Variants in SLC25A16 observed in about 807,000 individuals in gnomAD.
SLC25A16 encodes the protein solute carrier family 25 member 16.
In SLC25A16, 39 loss-of-function variants were observed where a neutral mutation model predicts 41.5. The observed-to-expected ratio is 0.94, with a 90% confidence interval of 0.73 to 1.23. The LOEUF (loss-of-function observed/expected upper bound fraction) is 1.23, where lower values mean the gene tolerates loss of function less well. Ranked by LOEUF, SLC25A16 falls within the 50% of genes most tolerant of loss-of-function variation. The pLI is 0.00. For synonymous variants in SLC25A16, 146 were observed against 147.8 expected, an observed-to-expected ratio of 0.99 and a Z score of 0.09; for missense variants, 421 against 426.9, an observed-to-expected ratio of 0.99 and a Z score of 0.12.
intron 4 of SLC25A16, chr10:68,499,707 A>G (rs1371373302): frequency 5.3e-6 from 2 of 377,874 alleles, no homozygotes; most frequent in Non-Finnish European, 5.2e-6. Context: ...GTCAGGTTGT[A>G]TGAGGACACT....
intron 6 of SLC25A16, among the ~76,000 whole-genome samples, chr10:68,489,631 G>A (rs988340199): frequency 2.6e-5 from 4 of 152,012 alleles, no homozygotes; most frequent in Admixed American, 1.3e-4. Context: ...GGCCAGGCGC[G>A]GTGGCTTATG....
intron 2 of SLC25A16, among the ~76,000 whole-genome samples, chr10:68,512,638 CAAAAAAAAAA>C (rs1163431016): frequency 1.2e-4 from 2 of 17,148 alleles, no homozygotes; most frequent in Admixed American, 6.8e-4. Flanking sequence ...GACTCCGTCT[CAAAAAAAAAA>C]AAAAAAAAAA....
intron 8 of SLC25A16, 154 bp downstream of exon 8, chr10:68,486,990 A>T: frequency 1.0e-5 from 4 of 392,944 alleles, no homozygotes; most frequent in Non-Finnish European, 1.4e-5. Context: ...AAAGAACCTG[A>T]TTGCCTGATT....
At chr10:68,514,445 G>A (rs1282192157) in intron 2 of SLC25A16, among the ~76,000 whole-genome samples, 1 of 152,088 alleles carries the variant, frequency 6.6e-6, no homozygotes, top group African/African-American at 2.4e-5. Flanking sequence ...GCAGTGAGCA[G>A]AGATCACACC....
chr10:68,525,346 G>A (rs1471178778), intron 1 of SLC25A16, among the ~76,000 whole-genome samples: 1 of 152,034 alleles, frequency 6.6e-6, no homozygotes, highest in Non-Finnish European at 1.5e-5. Context: ...ATGTTGGCCA[G>A]GCTGGTCTCA....
At chr10:68,497,125 G>A (rs1306334930) in intron 4 of SLC25A16, among the ~76,000 whole-genome samples, 1 of 152,166 alleles carries the variant, frequency 6.6e-6, no homozygotes, top group Non-Finnish European at 1.5e-5. Context: ...ACTTCTCAAT[G>A]AATACGGAAG....
At chr10:68,491,397 G>C (rs1012543144) in intron 6 of SLC25A16, among the ~76,000 whole-genome samples, 27 of 151,882 alleles carry the variant, frequency 1.8e-4, no homozygotes, top group African/African-American at 6.5e-4. Context: ...AGCTAATTTT[G>C]TATTTTTAGT....
Position 68,506,695 on chromosome 10 carries a change from C to G in SLC25A16, c.247G>C (p.Val83Leu). ...CCAAGGAATCCTTCTTTTTGAGGAACAGCACGCAATGCAGAAAATACTCCT... is the reference window on the plus strand; with the variant it reads ...CCAAGGAATCCTTCTTTTTGAGGAAGAGCACGCAATGCAGAAAATACTCCT... ...HLGVFSALRA[V>L]PQKEGFLGLY... Residue 83 changes from valine (V) to leucine (L), a missense_variant, in exon 3 of 9, where the codon GTT (valine) becomes CTT (leucine). Physicochemically the swap from Val to Leu is conservative, Grantham distance 32 (BLOSUM62 1). Transcript: ENST00000609923. 6.3e-7 allele frequency: 1 copy of G among 1,588,480 alleles called. No homozygotes were observed. Among genetic ancestry groups the G allele is most frequent in the Non-Finnish European group, 8.6e-7 (1 of 1,167,712 alleles).
chr10:68,488,575 G>T lies in SLC25A16; in HGVS notation c.665C>A (p.Pro222His). The T allele has an allele frequency of 6.2e-7, 1 of 1,610,930 alleles. No individual in the cohort carries two copies. The highest frequency in any genetic ancestry group is 8.5e-7 in the Non-Finnish European group (1 of 1,179,320). Residue 222 changes from proline to histidine, a missense_variant, in exon 7 of 9, where the codon CCT becomes CAT. Pro to His is a moderately conservative substitution (Grantham distance 77, BLOSUM62 -2). Coordinates refer to ENST00000609923, the MANE Select transcript of SLC25A16 (RefSeq NM_152707.4). ...TLKSVGLSHAPTLLGRPSSDN... is the reference protein window; with the variant it reads ...TLKSVGLSHAHTLLGRPSSDN... ...TGATGAAGGTCTGCCAAGAAGGGTA[G>T]GAGCATGGGAAAGCCCAACACTCTT...
intron 4 of SLC25A16, among the ~76,000 whole-genome samples, chr10:68,495,755 C>A (rs187239901): frequency 8.4e-6 from 1 of 118,748 alleles, no homozygotes; most frequent in African/African-American, 3.2e-5. Context: ...GCACTCCAGT[C>A]TGGGCAACAG....
At chr10:68,491,145 C>G (rs1185343066) in intron 6 of SLC25A16, among the ~76,000 whole-genome samples, 2 of 152,082 alleles carry the variant, frequency 1.3e-5, no homozygotes, top group Non-Finnish European at 2.9e-5. Flanking sequence ...TCCCAAAGTG[C>G]TGGGATTATA....
chr10:68,508,033 C>A (rs2052986931), intron 2 of SLC25A16, among the ~76,000 whole-genome samples: 1 of 152,092 alleles, frequency 6.6e-6, no homozygotes, highest in East Asian at 1.9e-4. Flanking sequence ...GAGTTTGAGA[C>A]CAGCCTGGGC....
chr10:68,511,010 G>A (rs1177165501), intron 2 of SLC25A16, among the ~76,000 whole-genome samples: 2 of 152,070 alleles, frequency 1.3e-5, no homozygotes, highest in Non-Finnish European at 2.9e-5. Context: ...AGGCCAAAGC[G>A]GGCAGAACAC....
intron 2 of SLC25A16, among the ~76,000 whole-genome samples, chr10:68,507,245 G>T (rs575941462): frequency 9.9e-5 from 15 of 151,728 alleles, no homozygotes; most frequent in African/African-American, 3.6e-4. Flanking sequence ...GCTAATTTTT[G>T]CATTTTTAGT....
chr10:68,483,295 T>A lies in SLC25A16; in HGVS notation c.*137A>T, dbSNP rs2052506779. The A allele has an allele frequency of 5.1e-6, 3 of 583,808 alleles. No homozygotes were observed. The highest frequency in any genetic ancestry group is 8.8e-6 in the Non-Finnish European group (3 of 341,362). 36.2% of individuals were successfully genotyped at this position (583,808 alleles called of 1,614,324 possible). A position where few individuals can be genotyped will look rare whatever the true frequency, so the allele number is the denominator to read the frequency against. Reference sequence around the variant, plus strand: ...TTCTGATTTGTGACTAAAGAAAAAATAATCAAGTACTAAAATACCAGTGGC... The same window carrying A: ...TTCTGATTTGTGACTAAAGAAAAAAAAATCAAGTACTAAAATACCAGTGGC... On this transcript the variant is annotated 3_prime_UTR_variant, in exon 9 of 9. Transcript: ENST00000609923.
intron 1 of SLC25A16, 58 bp from the exon 2 acceptor site, chr10:68,516,901 A>G: frequency 7.3e-7 from 1 of 1,366,072 alleles, no homozygotes; most frequent in Non-Finnish European, 1.0e-6. Flanking sequence ...CCAGATGGAA[A>G]TCATTAGTTG....
chr10:68,479,900 TA>T lies in SLC25A16; in HGVS notation c.*3531del, dbSNP rs2052466481. Reference sequence around the variant, plus strand: ...GGTAGCACATAGCTGTAATCCCAGTTACTTGGAAAGATGACTCGGGAAAATC... The same window carrying T: ...GGTAGCACATAGCTGTAATCCCAGTTCTTGGAAAGATGACTCGGGAAAATC... On this transcript the variant is annotated 3_prime_UTR_variant, in exon 9 of 9. Coordinates refer to ENST00000609923, the MANE Select transcript of SLC25A16 (RefSeq NM_152707.4). The T allele has an allele frequency of 6.6e-6, 1 of 151,264 alleles. No homozygotes were observed. The highest frequency in any genetic ancestry group is 2.4e-5 in the African/African-American group (1 of 41,088). 9.4% of individuals were successfully genotyped at this position (151,264 alleles called of 1,614,324 possible).
chr10:68,506,226 TG>T (rs1386191878), intron 3 of SLC25A16, among the ~76,000 whole-genome samples: 1 of 151,980 alleles, frequency 6.6e-6, no homozygotes, highest in Non-Finnish European at 1.5e-5. Flanking sequence ...CCCAACACTT[TG>T]GGAGGCCAGG....
intron 7 of SLC25A16, among the ~76,000 whole-genome samples, chr10:68,487,601 C>T (rs1343723573): frequency 6.6e-6 from 1 of 152,198 alleles, no homozygotes; most frequent in African/African-American, 2.4e-5. Context: ...GTCCTGTGCA[C>T]TAGAGATGTT....
Sources: allele counts gnomAD v4.1 joint callset (sites outside exome capture counted in the v4.1 genomes callset), GRCh38; gene constraint gnomAD v4.1.1; transcripts MANE v1.5; gene names NCBI Gene and HGNC (gene_info 2026-07-23, HGNC 2026-07-21).